The following ADAMTSL1 variants were observed in gnomAD, a reference collection of about 807,000 sequenced individuals.
ADAMTSL1 encodes ADAMTS like 1, also known as ADAMTS-like protein 1.
ADAMTSL1 carries 126 observed loss-of-function variants against 201.8 expected under a neutral mutation model. The ratio of observed to expected loss-of-function variants is 0.62; its 90% CI spans 0.54 to 0.72. The LOEUF (loss-of-function observed/expected upper bound fraction) is 0.72. Ranked by LOEUF, ADAMTSL1 falls within the 30% of genes least tolerant of loss-of-function variation. The pLI, the probability that ADAMTSL1 is intolerant of heterozygous loss-of-function variation, is 0.00. For missense variants in ADAMTSL1, 2,679 were observed against 2,277.8 expected (o/e 1.18, Z -3.59); for synonymous variants, 1,121 against 903.4 (o/e 1.24, Z -4.32).
At chr9:18,184,080 A>G (rs554825418) in intron 2 of ADAMTSL1, among the ~76,000 whole-genome samples, 1 of 152,310 alleles carries the variant, frequency 6.6e-6, no homozygotes, top group African/African-American at 2.4e-5. Context: ...TAATTCCGAA[A>G]TGTAACAAAT....
intron 2 of ADAMTSL1, among the ~76,000 whole-genome samples, chr9:18,463,928 T>A (rs368420543): frequency 2.0e-5 from 3 of 152,218 alleles, no homozygotes; most frequent in East Asian, 1.9e-4. Context: ...TTTGGAGGAA[T>A]CAAACTTGTG....
chr9:18,291,616 T>G (rs541812908), intron 2 of ADAMTSL1, among the ~76,000 whole-genome samples: 3 of 152,226 alleles, frequency 2.0e-5, no homozygotes, highest in African/African-American at 7.2e-5. Context: ...ATCTGACTAC[T>G]GGATTCTTGC....
chr9:18,056,206 G>C (rs1822177305), intron 1 of ADAMTSL1, among the ~76,000 whole-genome samples: 1 of 148,554 alleles, frequency 6.7e-6, no homozygotes, highest in Non-Finnish European at 1.5e-5. Context: ...ATCCAAAAAA[G>C]CATTTTCTTA....
At chr9:18,122,137 C>G (rs1398608407) in intron 1 of ADAMTSL1, among the ~76,000 whole-genome samples, 1 of 152,174 alleles carries the variant, frequency 6.6e-6, no homozygotes, top group Non-Finnish European at 1.5e-5. Flanking sequence ...TCCATTTAAA[C>G]ATGGAGTTTA....
At position 18,753,314 on chromosome 9, in the gene ADAMTSL1, T is replaced by C. The variant is rs1819564851; in HGVS notation, c.2023T>C (p.Trp675Arg). The C allele has an allele frequency of 1.2e-6, 2 of 1,611,712 alleles. No homozygotes were observed. The highest frequency in any genetic ancestry group is 1.7e-6 in the Non-Finnish European group (2 of 1,179,038). The change falls in exon 16 of 29, where the codon TGG (tryptophan) becomes CGG (arginine). Residue 675 changes from tryptophan (W) to arginine (R), a missense_variant. Trp to Arg is a moderately radical substitution (Grantham distance 101). Transcript: ENST00000380548. ...PCPARWEIGK[W>R]SPCSLTCGVG... ...TCTTCTCAGGTGGGAAATTGGCAAG[T>C]GGAGTCCATGTAGTCTCACATGTGG...
intron 16 of ADAMTSL1, 144 bp downstream of exon 16, chr9:18,753,652 A>T: frequency 2.2e-6 from 2 of 900,486 alleles, no homozygotes; most frequent in Non-Finnish European, 3.5e-6. Context: ...TACTCCCCTA[A>T]CCTGATTTAC....
At chr9:17,959,832 C>T (rs1244832231) in intron 1 of ADAMTSL1, among the ~76,000 whole-genome samples, 1 of 152,120 alleles carries the variant, frequency 6.6e-6, no homozygotes, top group African/African-American at 2.4e-5. Flanking sequence ...GTGTGACTTA[C>T]TCAGTTTGAT....
rs369501711 is a variant in ADAMTSL1 at position 18,612,056 on chromosome 9, C to T, written c.475-10187C>T. On this transcript the variant is annotated intron_variant, in intron 4 of 28. Transcript: ENST00000380548. ...GTAGATCAAGTACAAAGTGAATCTACAGATCCAGAGTTGGTGTCAGAGTCA... is the reference window on the plus strand; with the variant it reads ...GTAGATCAAGTACAAAGTGAATCTATAGATCCAGAGTTGGTGTCAGAGTCA... 3.9e-5 allele frequency among the ~76,000 whole-genome samples: 6 copies of T among 152,172 alleles called. No homozygotes were observed. The East Asian group carries it at 9.6e-4, about 24-fold the overall frequency.
chr9:18,776,896 G>C lies in ADAMTSL1; in HGVS notation c.2667G>C (p.Leu889=), dbSNP rs369004391. The change falls in exon 19 of 29, where the codon CTG becomes CTC. Residue 889 remains leucine, a synonymous_variant. Transcript: ENST00000380548. ...LHFVVGGFAY[L]LPKTAVVLRC... is the part of the protein sequence containing the mutation. ...TCGTGGTGGGGGGCTTCGCCTACCT[G>C]CTCCCCAAGACGGCGGTGGTGCTGC... is the stretch of plus-strand genomic sequence containing the variant. 9.5e-5 allele frequency: 153 copies of C among 1,611,148 alleles called. No homozygotes were observed. The highest frequency in any genetic ancestry group is 1.2e-4 in the Non-Finnish European group (146 of 1,179,070).
intron 2 of ADAMTSL1, among the ~76,000 whole-genome samples, chr9:18,349,601 G>T (rs1586942741): frequency 1.3e-5 from 2 of 152,260 alleles, no homozygotes; most frequent in Admixed American, 1.3e-4. Flanking sequence ...GAGGGTCCCT[G>T]CCTTAGTGGA....
chr9:18,019,704 C>T (rs1016923128), intron 1 of ADAMTSL1, among the ~76,000 whole-genome samples: 1 of 152,040 alleles, frequency 6.6e-6, no homozygotes, highest in Non-Finnish European at 1.5e-5. Flanking sequence ...GAACATTGGA[C>T]TTGGACTTAG....
chr9:18,262,460 C>A (rs911650342), intron 2 of ADAMTSL1, among the ~76,000 whole-genome samples: 8 of 152,166 alleles, frequency 5.3e-5, no homozygotes, highest in Non-Finnish European at 1.5e-5. Context: ...AATGTATACA[C>A]TGTTGGCCAA....
chr9:18,350,565 T>C (rs573574623), intron 2 of ADAMTSL1, among the ~76,000 whole-genome samples: 1 of 152,076 alleles, frequency 6.6e-6, no homozygotes. Context: ...TACAAGGAAA[T>C]TGTCAGAACA....
intron 23 of ADAMTSL1, among the ~76,000 whole-genome samples, chr9:18,872,026 C>T (rs1296416852): frequency 6.6e-6 from 1 of 152,180 alleles, no homozygotes; most frequent in Non-Finnish European, 1.5e-5. Context: ...CCAACCAAGT[C>T]AGTAGTTTTT....
chr9:18,755,556 G>T, intron 16 of ADAMTSL1, among the ~76,000 whole-genome samples: 1 of 152,042 alleles, frequency 6.6e-6, no homozygotes, highest in East Asian at 1.9e-4. Context: ...ATAGCCACAC[G>T]TGCTGCTGAA....
chr9:18,548,798 TTAAA>T (rs556465853), intron 3 of ADAMTSL1, among the ~76,000 whole-genome samples: 63 of 151,914 alleles, frequency 4.1e-4, no homozygotes, highest in African/African-American at 1.5e-3. Context: ...AAATAAAGCA[TTAAA>T]TAGATAGATG....
intron 2 of ADAMTSL1, among the ~76,000 whole-genome samples, chr9:18,409,574 G>C (rs1818346314): frequency 6.6e-6 from 1 of 151,064 alleles, no homozygotes; most frequent in South Asian, 2.1e-4. Context: ...AAGATATACA[G>C]GGTTAAAATT....
At chr9:18,652,866 C>T (rs1828383709) in intron 7 of ADAMTSL1, among the ~76,000 whole-genome samples, 1 of 152,218 alleles carries the variant, frequency 6.6e-6, no homozygotes, top group Non-Finnish European at 1.5e-5. Flanking sequence ...TTCACCCTGA[C>T]ACCCAGCCTG....
intron 23 of ADAMTSL1, among the ~76,000 whole-genome samples, chr9:18,884,768 G>C (rs1222349108): frequency 2.0e-5 from 3 of 152,060 alleles, no homozygotes; most frequent in Non-Finnish European, 4.4e-5. Flanking sequence ...TCTGTTTTAT[G>C]CCAGTACAGT....
Sources: gnomAD v4.1 joint callset for allele counts (sites outside exome capture counted in the v4.1 genomes callset) on GRCh38, gnomAD v4.1.1 for gene constraint, MANE v1.5 for transcripts, NCBI Gene and HGNC (gene_info 2026-07-23, HGNC 2026-07-21) for gene names.